The following FLT3LG variants were observed in gnomAD, a reference collection of about 807,000 sequenced individuals.
FLT3LG encodes the protein fms-related tyrosine kinase 3 ligand.
In FLT3LG, 8 loss-of-function variants were observed where a neutral mutation model predicts 30.9. The ratio of observed to expected loss-of-function variants is 0.26; its 90% confidence interval spans 0.15 to 0.47. FLT3LG has a LOEUF of 0.47. Among genes scored for constraint, FLT3LG ranks in the 20% least tolerant of loss-of-function variants. The pLI, the probability that FLT3LG is intolerant of heterozygous loss-of-function variation, is 0.99. For synonymous variants in FLT3LG, 123 were observed against 135.9 expected (o/e 0.91, Z 0.66); for missense variants, 278 against 306.2 (o/e 0.91, Z 0.69).
In FLT3LG at chr19:49,476,438, G is replaced by C; in HGVS notation, c.214G>C (p.Gly72Arg). 6.2e-7 allele frequency: 1 copy of C among 1,613,432 alleles called. No homozygotes were observed. Among genetic ancestry groups the C allele is most frequent in the Non-Finnish European group, 8.5e-7 (1 of 1,179,792 alleles). ...TCCCCTCTAGGAGGAGCTCTGCGGGGGCCTCTGGCGGCTGGTCCTGGCACA... is the reference window on the plus strand; with the variant it reads ...TCCCCTCTAGGAGGAGCTCTGCGGGCGCCTCTGGCGGCTGGTCCTGGCACA... ...SNLQDEELCGGLWRLVLAQRW... is the reference protein window; with the variant it reads ...SNLQDEELCGRLWRLVLAQRW... Residue 72 changes from glycine to arginine, a missense_variant, in exon 5 of 9, where the codon GGC becomes CGC. This residue lies in a region of FLT3LG where 68 missense variants were observed against 110.0 expected (regional missense o/e 0.62). Coordinates refer to ENST00000597551, the MANE Select transcript of FLT3LG (RefSeq NM_001459.4). The surrounding 1 kb of genome is among the most constrained non-coding windows in gnomAD (Gnocchi z 5.3).
At position 49,480,466 on chromosome 19, in the gene FLT3LG, C is replaced by G. The variant is rs558442611; in HGVS notation, c.650C>G (p.Pro217Arg). The change falls in exon 7 of 9, where the codon CCT becomes CGT. Residue 217 changes from proline (P) to arginine (R), a missense_variant. Pro to Arg is a moderately radical substitution (Grantham distance 103, BLOSUM62 -2). Transcript: ENST00000597551. Reference protein sequence around the residue: ...WQRTRRRTPRPGEQVPPVPSP... With the variant: ...WQRTRRRTPRRGEQVPPVPSP... Reference sequence around the variant, plus strand: ...AGGACGCGGCGGAGGACACCCCGCCCTGGGGAGCAGGTGAGCAGGCTGGGA... The same window carrying G: ...AGGACGCGGCGGAGGACACCCCGCCGTGGGGAGCAGGTGAGCAGGCTGGGA... 4.9e-5 allele frequency: 78 copies of G among 1,588,336 alleles called. 1 individual carries two copies. Among genetic ancestry groups the G allele is most frequent in the Middle Eastern group, 1.8e-4 (1 of 5,536 alleles).
At chr19:49,479,498 C>CTTTTTTT (rs1177717575) in intron 6 of FLT3LG, among the ~76,000 whole-genome samples, 1 of 96,042 alleles carries the variant, frequency 1.0e-5, no homozygotes, top group Non-Finnish European at 1.9e-5. Context: ...CCCAGCCTAC[C>CTTTTTTT]TTTTTTTTTT....
rs766783205 is a variant in FLT3LG, at chr19:49,476,478, G to A, written c.254G>A (p.Arg85Gln). ...RLVLAQRWME[R>Q]LKTVAGSKMQ... Reference sequence around the variant, plus strand: ...GTCCTGGCACAGCGCTGGATGGAGCGGCTCAAGACTGTCGCTGGGTCCAAG... The same window carrying A: ...GTCCTGGCACAGCGCTGGATGGAGCAGCTCAAGACTGTCGCTGGGTCCAAG... The change falls in exon 5 of 9, where the codon CGG (arginine) becomes CAG (glutamine). Residue 85 changes from arginine (R) to glutamine (Q), a missense_variant. By Grantham distance (43) the Arg-to-Gln change is conservative (BLOSUM62 1). Coordinates refer to ENST00000597551, the MANE Select transcript of FLT3LG (RefSeq NM_001459.4). This position sits in a 1 kb window ranked among gnomAD's most constrained non-coding sequence, Gnocchi z 5.3. 2.0e-5 allele frequency: 33 copies of A among 1,613,998 alleles called. No homozygotes were observed. The highest frequency in any genetic ancestry group is 1.8e-4 in the East Asian group (8 of 44,894).
At chr19:49,475,923 C>T (rs2079378913) in intron 3 of FLT3LG, 122 bp downstream of exon 3, 10 of 1,056,392 alleles carry the variant, frequency 9.5e-6, no homozygotes, top group Admixed American at 1.9e-5. Context: ...TGGGCTCAAG[C>T]GATCCTCCCA....
At position 49,476,407 on chromosome 19, in the gene FLT3LG, G is replaced by A. The variant is rs2079396421; in HGVS notation, c.199-16G>A. The A allele has an allele frequency of 3.1e-6, 5 of 1,606,930 alleles. No homozygotes were observed. Among genetic ancestry groups the A allele is most frequent in the Non-Finnish European group, 3.4e-6 (4 of 1,176,574 alleles). ...TGCCCAGCTCCTCCCTCAGACCCGT[G>A]GGTTCTCCCCTCTAGGAGGAGCTCT... On this transcript the variant is annotated splice_polypyrimidine_tract_variant and intron_variant, in intron 4 of 8. Coordinates refer to ENST00000597551, the MANE Select transcript of FLT3LG (RefSeq NM_001459.4). The surrounding 1 kb of genome is among the most constrained non-coding windows in gnomAD (Gnocchi z 5.3).
Position 49,474,254 on chromosome 19 carries a change from C to A in FLT3LG, c.-65C>A, listed in dbSNP as rs1218751626. On this transcript the variant is annotated 5_prime_UTR_variant, in exon 1 of 9. Transcript: ENST00000597551. ...TCTCTGGCTGTCACCCGGCTTGGCC[C>A]CTTCCACACCCAACTGGGGCAAGCC... 3.3e-6 allele frequency: 1 copy of A among 307,310 alleles called. No homozygotes were observed. Among genetic ancestry groups the A allele is most frequent in the East Asian group, 5.9e-5 (1 of 16,992 alleles). The allele number at this position is 307,310 out of a possible 1,614,324, so 19.0% of individuals were successfully genotyped here. A position where few individuals can be genotyped will look rare whatever the true frequency, so the allele number is the denominator to read the frequency against.
At chr19:49,480,526 T>G (rs2079567498) in intron 7 of FLT3LG, 26 bp from the exon 8 acceptor site, 2 of 1,611,028 alleles carry the variant, frequency 1.2e-6, no homozygotes, top group African/African-American at 2.7e-5. Context: ...GTGGCCCACT[T>G]GTGGCTGACA....
chr19:49,479,908 GA>G (rs1568673768), intron 6 of FLT3LG, among the ~76,000 whole-genome samples: 1 of 151,824 alleles, frequency 6.6e-6, no homozygotes, highest in Admixed American at 6.6e-5. Flanking sequence ...GGGTTCAAGC[GA>G]ATCTTCTGCC....
chr19:49,476,022 C>A lies in FLT3LG; in HGVS notation c.145-123C>A. 3 of 1,190,508 alleles carry A rather than the reference C, an allele frequency of 2.5e-6. No homozygotes were observed. The highest frequency in any genetic ancestry group is 3.7e-6 in the Non-Finnish European group (3 of 803,178). 73.7% of individuals were successfully genotyped at this position (1,190,508 alleles called of 1,614,324 possible). ...TTTTAAGGGCAAGGTTCTGTGGCTT[C>A]TTCTGGGCTCCCCCTCTCTTGGTCT... On this transcript the variant is annotated intron_variant, in intron 3 of 8. Coordinates refer to ENST00000597551, the MANE Select transcript of FLT3LG (RefSeq NM_001459.4). The surrounding 1 kb of genome is among the most constrained non-coding windows in gnomAD (Gnocchi z 5.3).
rs895721790 is a variant in FLT3LG, at chr19:49,476,247, C to A, written c.198+49C>A. 6 of 1,525,996 alleles carry A rather than the reference C, an allele frequency of 3.9e-6. No homozygotes were observed. Among genetic ancestry groups the A allele is most frequent in the African/African-American group, 1.4e-5 (1 of 73,226 alleles). The allele number at this position is 1,525,996 out of a possible 1,614,324, so 94.5% of individuals were successfully genotyped here. A position where few individuals can be genotyped will look rare whatever the true frequency, so the allele number is the denominator to read the frequency against. ...GGGATGGAGGTGGGGACCACAGACTCAAGATGCTCCACCGAGGCGAGTGGA... is the reference window on the plus strand; with the variant it reads ...GGGATGGAGGTGGGGACCACAGACTAAAGATGCTCCACCGAGGCGAGTGGA... On this transcript the variant is annotated intron_variant, in intron 4 of 8. Coordinates refer to ENST00000597551, the MANE Select transcript of FLT3LG (RefSeq NM_001459.4). This position sits in a 1 kb window ranked among gnomAD's most constrained non-coding sequence, Gnocchi z 5.3.
Position 49,480,574 on chromosome 19 carries a change from A to G in FLT3LG, c.683A>G (p.Gln228Arg), listed in dbSNP as rs768174057. The change falls in exon 8 of 9, where the codon CAG becomes CGG. Residue 228 changes from glutamine (Q) to arginine (R), a missense_variant. Gln to Arg is a conservative substitution (Grantham distance 43). Coordinates refer to ENST00000597551, the MANE Select transcript of FLT3LG (RefSeq NM_001459.4). ...GEQVPPVPSP[Q>R]DLLLVEH ...CAGGTGCCCCCCGTCCCCAGTCCCC[A>G]GGACCTGCTGCTTGTGGAGCACTGA... The G allele has an allele frequency of 6.2e-7, 1 of 1,613,490 alleles. No homozygotes were observed. Among genetic ancestry groups the G allele is most frequent in the Non-Finnish European group, 8.5e-7 (1 of 1,179,802 alleles).
chr19:49,484,288 A>ATTTTTTTTTTTTTTTTTTTT (rs745909519), intron 8 of FLT3LG, among the ~76,000 whole-genome samples: 2 of 98,354 alleles, frequency 2.0e-5, no homozygotes, highest in African/African-American at 4.5e-5. Flanking sequence ...TTTTATTATA[A>ATTTTTTTTTTTTTTTTTTTT]TTTTTTTTTT....
In FLT3LG at chr19:49,480,366, C is replaced by T. The variant is rs2079559808; in HGVS notation, c.550C>T (p.Pro184Ser). ...LEATAPTAPQPPLLLLLLLPV... is the reference protein window; with the variant it reads ...LEATAPTAPQSPLLLLLLLPV... ...GGCCACAGCCCCGACAGCCCCGCAG[C>T]CCCCTCTGCTCCTCCTACTGCTGCT... Residue 184 changes from proline (P) to serine (S), a missense_variant, in exon 7 of 9, where the codon CCC becomes TCC. Pro to Ser is a moderately conservative substitution (Grantham distance 74). Coordinates refer to ENST00000597551, the MANE Select transcript of FLT3LG (RefSeq NM_001459.4). The T allele has an allele frequency of 1.2e-6, 2 of 1,610,276 alleles. No homozygotes were observed. Among genetic ancestry groups the T allele is most frequent in the South Asian group, 2.2e-5 (2 of 90,830 alleles).
intron 2 of FLT3LG, among the ~76,000 whole-genome samples, chr19:49,474,954 G>A (rs1335554802): frequency 3.8e-5 from 5 of 131,614 alleles, no homozygotes; most frequent in African/African-American, 3.4e-5. Context: ...AGGAGGGGGA[G>A]ATGGACAGAG....
chr19:49,479,396 G>A (rs779316799), intron 6 of FLT3LG, among the ~76,000 whole-genome samples: 2 of 150,706 alleles, frequency 1.3e-5, no homozygotes, highest in African/African-American at 2.4e-5. Flanking sequence ...GGGTTTTACC[G>A]AGTTAAACCA....
Position 49,476,320 on chromosome 19 carries a change from C to A in FLT3LG, c.199-103C>A, listed in dbSNP as rs971649135. ...AACCCAGGAATCAGAGTCCTCAGCC[C>A]CTCCTCCCTCAGACCCAGGAGCCCC... On this transcript the variant is annotated intron_variant, in intron 4 of 8. Coordinates refer to ENST00000597551, the MANE Select transcript of FLT3LG (RefSeq NM_001459.4). This position sits in a 1 kb window ranked among gnomAD's most constrained non-coding sequence, Gnocchi z 5.3. 2.1e-6 allele frequency: 3 copies of A among 1,462,642 alleles called. No homozygotes were observed. In the East Asian group the frequency reaches 6.9e-5, roughly 33 times the overall value. 90.6% of individuals were successfully genotyped at this position (1,462,642 alleles called of 1,614,324 possible).
chr19:49,475,110 A>G (rs1045036930), intron 2 of FLT3LG, among the ~76,000 whole-genome samples: 1 of 47,372 alleles, frequency 2.1e-5, no homozygotes, highest in Non-Finnish European at 3.8e-5. Context: ...GACAGAGGAG[A>G]GGGGAGATGG....
Position 49,474,242 on chromosome 19 carries a change from C to T in FLT3LG, c.-77C>T, listed in dbSNP as rs572779831. 1.2e-5 allele frequency: 3 copies of T among 256,396 alleles called. No individual in the cohort carries two copies. In the South Asian group the frequency reaches 2.5e-4, roughly 21 times the overall value. The allele number at this position is 256,396 out of a possible 1,614,324, so 15.9% of individuals were successfully genotyped here. A position where few individuals can be genotyped will look rare whatever the true frequency, so the allele number is the denominator to read the frequency against. On this transcript the variant is annotated 5_prime_UTR_variant, in exon 1 of 9. Transcript: ENST00000597551. The stretch of plus-strand genomic sequence containing the variant: ...TTTCACTTTCGGTCTCTGGCTGTCA[C>T]CCGGCTTGGCCCCTTCCACACCCAA...
At position 49,480,583 on chromosome 19, in the gene FLT3LG, T is replaced by C; in HGVS notation, c.692T>C (p.Leu231Pro). Residue 231 changes from leucine to proline, a missense_variant, in exon 8 of 9, where the codon CTG (leucine) becomes CCG (proline). Around this residue, in one of 3 missense-constraint regions of FLT3LG, gnomAD observed 170 missense variants for 162.0 expected, o/e 1.05. Transcript: ENST00000597551. ...CCCGTCCCCAGTCCCCAGGACCTGCTGCTTGTGGAGCACTGACCTGGCCAA... is the reference window on the plus strand; with the variant it reads ...CCCGTCCCCAGTCCCCAGGACCTGCCGCTTGTGGAGCACTGACCTGGCCAA... ...VPPVPSPQDLLLVEH is the reference protein window; with the variant it reads ...VPPVPSPQDLPLVEH 4 of 1,613,378 alleles carry C rather than the reference T, an allele frequency of 2.5e-6. No homozygotes were observed. The highest frequency in any genetic ancestry group is 3.4e-6 in the Non-Finnish European group (4 of 1,179,738).
Sources: gnomAD v4.1 joint callset for allele counts (sites outside exome capture counted in the v4.1 genomes callset) on GRCh38, gnomAD v4.1.1 for gene constraint, gnomAD v4.1.1 regional missense constraint, Gnocchi (gnomAD v3.1) non-coding constraint, MANE v1.5 for transcripts, NCBI Gene and HGNC (gene_info 2026-07-23, HGNC 2026-07-21) for gene names.